Variants in GNB1 observed in about 807,000 individuals in gnomAD.
GNB1 encodes G protein subunit beta 1.
GNB1 carries 2 observed loss-of-function variants against 42.9 expected under a neutral mutation model. That is an observed-to-expected ratio of 0.05 (90% CI 0.02 to 0.15). GNB1 has a LOEUF of 0.15. Among genes scored for constraint, GNB1 ranks in the 10% least tolerant of loss-of-function variants. The pLI is 1.00. For missense variants in GNB1, 193 were observed against 462.2 expected, an observed-to-expected ratio of 0.42 and a Z score of 5.34; for synonymous variants, 183 against 174.7, an observed-to-expected ratio of 1.05 and a Z score of -0.38.
intron 4 of GNB1, among the ~76,000 whole-genome samples, chr1:1,816,862 G>C (rs1439768940): frequency 6.6e-6 from 1 of 151,870 alleles, no homozygotes; most frequent in Non-Finnish European, 1.5e-5. Flanking sequence ...TGGTTAGGCT[G>C]GTCTCGAACT....
chr1:1,854,559 C>T (rs1283364756), intron 1 of GNB1, among the ~76,000 whole-genome samples: 1 of 152,142 alleles, frequency 6.6e-6, no homozygotes, highest in African/African-American at 2.4e-5. Context: ...CACTACAAAA[C>T]CTGTTTTAAG....
chr1:1,787,141 T>C lies in GNB1; in HGVS notation c.*10-88A>G, dbSNP rs907684848. ...GCCAGGTCACTGCTCTTCCCATCAC[T>C]GCATGAGTGTCTGCAGCTGAGGGCA... On this transcript the variant is annotated intron_variant, in intron 11 of 11. Transcript: ENST00000378609. The surrounding 1 kb of genome is among the most constrained non-coding windows in gnomAD (Gnocchi z 4.4). 1.9e-6 allele frequency: 1 copy of C among 517,936 alleles called. No individual in the cohort carries two copies. Among genetic ancestry groups the C allele is most frequent in the African/African-American group, 1.9e-5 (1 of 51,416 alleles). The allele number at this position is 517,936 out of a possible 1,614,324, so 32.1% of individuals were successfully genotyped here. A position where few individuals can be genotyped will look rare whatever the true frequency, so the allele number is the denominator to read the frequency against.
intron 2 of GNB1, among the ~76,000 whole-genome samples, chr1:1,838,619 T>C (rs6603799): frequency 0.83 from 126,445 of 151,582 alleles, 54,613 homozygotes; most frequent in Non-Finnish European, 0.95. Context: ...TAATTTTTTG[T>C]ATTTTTAGTA....
chr1:1,862,114 T>C (rs1419281985), intron 1 of GNB1, among the ~76,000 whole-genome samples: 2 of 151,912 alleles, frequency 1.3e-5, no homozygotes, highest in Admixed American at 6.6e-5. Flanking sequence ...CCCAGCTACT[T>C]GGGAGGCTAA....
At chr1:1,885,218 G>A (rs893134418) in intron 1 of GNB1, among the ~76,000 whole-genome samples, 1 of 151,398 alleles carries the variant, frequency 6.6e-6, no homozygotes, top group Non-Finnish European at 1.5e-5. Flanking sequence ...TTTGAGACCA[G>A]CCTGGCCAAC....
intron 3 of GNB1, among the ~76,000 whole-genome samples, chr1:1,824,013 C>T (rs995988308): frequency 6.6e-6 from 1 of 152,098 alleles, no homozygotes; most frequent in African/African-American, 2.4e-5. Context: ...ACCACCATAC[C>T]CAGCTTATAA....
rs186982652 is a variant in GNB1 at position 1,787,787 on chromosome 1, G to T, written c.917-350C>A. ...TGGCTTAGGCCTGTAATCCCAGCAC[G>T]TTGGAAGGCCGAGGCAGGCAGATCA... is the stretch of plus-strand genomic sequence containing the variant. On this transcript the variant is annotated intron_variant, in intron 10 of 11. Transcript: ENST00000378609. This position sits in a 1 kb window ranked among gnomAD's most constrained non-coding sequence, Gnocchi z 4.4. 2.6e-5 allele frequency among the ~76,000 whole-genome samples: 4 copies of T among 152,068 alleles called. No individual in the cohort carries two copies.
At chr1:1,810,112 T>C (rs1477231903) in intron 5 of GNB1, among the ~76,000 whole-genome samples, 1 of 152,116 alleles carries the variant, frequency 6.6e-6, no homozygotes, top group African/African-American at 2.4e-5. Flanking sequence ...AGTCTCGCTC[T>C]GTCACCCAGG....
chr1:1,890,966 G>A lies in GNB1; in HGVS notation c.-242C>T, dbSNP rs1030365013. The A allele has an allele frequency of 1.0e-4, 15 of 147,962 alleles. No individual in the cohort carries two copies. The highest frequency in any genetic ancestry group is 3.4e-4 in the African/African-American group (14 of 40,646). 9.2% of individuals were successfully genotyped at this position (147,962 alleles called of 1,614,324 possible). A position where few individuals can be genotyped will look rare whatever the true frequency, so the allele number is the denominator to read the frequency against. ...AGGCTCGGTCCAGTCCCGCCGCGGC[G>A]GCTGCTCCACTCCCGGCCCCGCTCC... On this transcript the variant is annotated 5_prime_UTR_variant, in exon 1 of 12. Transcript: ENST00000378609.
intron 1 of GNB1, among the ~76,000 whole-genome samples, chr1:1,864,334 A>AAAAG (rs1435020110): frequency 7.7e-5 from 10 of 130,522 alleles, no homozygotes; most frequent in South Asian, 2.4e-4. Flanking sequence ...AAAAAAAAAA[A>AAAAG]AAGAAGAAAA....
At chr1:1,883,333 G>A (rs1051111511) in intron 1 of GNB1, among the ~76,000 whole-genome samples, 3 of 151,656 alleles carry the variant, frequency 2.0e-5, no homozygotes, top group African/African-American at 4.8e-5. Flanking sequence ...AGATAAGGAT[G>A]TGAGAGATTT....
chr1:1,814,433 G>A (rs1423262443), intron 5 of GNB1, among the ~76,000 whole-genome samples: 1 of 152,164 alleles, frequency 6.6e-6, no homozygotes, highest in African/African-American at 2.4e-5. Flanking sequence ...CTTTGTAATA[G>A]CCTCTAAATC....
intron 9 of GNB1, among the ~76,000 whole-genome samples, chr1:1,789,786 T>G (rs977781017): frequency 1.3e-5 from 2 of 151,956 alleles, no homozygotes; most frequent in South Asian, 4.2e-4. Context: ...ACACAAACAC[T>G]GTGATCTTGG....
intron 5 of GNB1, among the ~76,000 whole-genome samples, chr1:1,811,462 A>G (rs1646778055): frequency 6.6e-6 from 1 of 152,072 alleles, no homozygotes; most frequent in Admixed American, 6.5e-5. Flanking sequence ...TGGGAGGCCG[A>G]GGCGAGCGGA....
chr1:1,837,329 A>G (rs901553611), intron 2 of GNB1, among the ~76,000 whole-genome samples: 6 of 147,230 alleles, frequency 4.1e-5, no homozygotes, highest in Admixed American at 2.1e-4. Context: ...ATCTTGGCTC[A>G]CTGCAAGCTC....
At chr1:1,869,011 C>CTTGTTTTA (rs1649100959) in intron 1 of GNB1, among the ~76,000 whole-genome samples, 1 of 150,890 alleles carries the variant, frequency 6.6e-6, no homozygotes, top group Non-Finnish European at 1.5e-5. Context: ...GGTGAAACCC[C>CTTGTTTTA]GTCTCTACTA....
At chr1:1,809,433 A>C (rs1646746022) in intron 5 of GNB1, among the ~76,000 whole-genome samples, 1 of 152,172 alleles carries the variant, frequency 6.6e-6, no homozygotes, top group Non-Finnish European at 1.5e-5. Context: ...TTACAGGCGT[A>C]AGCCACCGCA....
Position 1,806,955 on chromosome 1 carries a change from C to G in GNB1, c.204-417G>C, listed in dbSNP as rs373412408. Among the ~76,000 whole-genome samples the G allele has an allele frequency of 8.5e-5, 13 of 152,228 alleles. 1 individual carries two copies. The highest frequency in any genetic ancestry group is 2.6e-4 in the Admixed American group (4 of 15,278). On this transcript the variant is annotated intron_variant, in intron 5 of 11. Transcript: ENST00000378609. ...TGCCACTGGACACCAGCCTGGGCAA[C>G]AGAGTGAGACTCTGTTTCAAGAAAG...
intron 4 of GNB1, among the ~76,000 whole-genome samples, chr1:1,816,711 C>A (rs1032685472): frequency 7.2e-6 from 1 of 139,772 alleles, no homozygotes; most frequent in Non-Finnish European, 1.5e-5. Context: ...TGCAGTGGTG[C>A]GATCTCTGCT....
Sources: gnomAD v4.1 joint callset for allele counts (sites outside exome capture counted in the v4.1 genomes callset) on GRCh38, gnomAD v4.1.1 for gene constraint, Gnocchi (gnomAD v3.1) non-coding constraint, MANE v1.5 for transcripts, NCBI Gene and HGNC (gene_info 2026-07-23, HGNC 2026-07-21) for gene names.